LRRN1: variants seen among roughly 807,000 people sequenced by gnomAD.
The protein encoded by LRRN1 is leucine-rich repeat neuronal protein 1.
LRRN1 carries 14 observed loss-of-function variants against 45.8 expected under a neutral mutation model. The ratio of observed to expected loss-of-function variants is 0.31; its 90% CI spans 0.20 to 0.48. The LOEUF (loss-of-function observed/expected upper bound fraction) is 0.48, where lower values mean the gene tolerates loss of function less well. LRRN1 is among the 20% of genes least tolerant of loss of function. The pLI is 0.99. For synonymous variants in LRRN1, 359 were observed against 330.1 expected (o/e 1.09, Z -0.95); for missense variants, 789 against 874.2 (o/e 0.90, Z 1.23).
At chr3:3,807,540 C>T (rs191643924) in intron 1 of LRRN1, among the ~76,000 whole-genome samples, 3 of 152,182 alleles carry the variant, frequency 2.0e-5, no homozygotes, top group Non-Finnish European at 2.9e-5. Context: ...CACGTCAGAA[C>T]GAGTTTTGGA....
chr3:3,813,882 C>A (rs577065219), intron 1 of LRRN1, among the ~76,000 whole-genome samples: 151 of 152,168 alleles, frequency 9.9e-4, no homozygotes, highest in African/African-American at 3.6e-3. Context: ...CTCTTCTAAT[C>A]ATTCAAATGG....
rs528670873 is a variant in LRRN1 at position 3,825,039 on chromosome 3, C to T, written c.-278-19325C>T. ...ATCAGACTCTGAGGTCGACGTTATT[C>T]CCTAGGGCTCTTTCATAGACACCCT... On this transcript the variant is annotated intron_variant, in intron 1 of 1. Transcript: ENST00000319331. Among the ~76,000 whole-genome samples the T allele has an allele frequency of 3.9e-5, 6 of 152,326 alleles. No individual in the cohort carries two copies. In the South Asian group the frequency reaches 1.0e-3, roughly 26 times the overall value.
At chr3:3,820,680 G>A (rs990570510) in intron 1 of LRRN1, among the ~76,000 whole-genome samples, 2 of 152,180 alleles carry the variant, frequency 1.3e-5, no homozygotes, top group Non-Finnish European at 2.9e-5. Flanking sequence ...CTTTGTTCTC[G>A]CAGGTATAGC....
At chr3:3,817,413 A>G (rs1302698858) in intron 1 of LRRN1, among the ~76,000 whole-genome samples, 3 of 152,242 alleles carry the variant, frequency 2.0e-5, no homozygotes, top group African/African-American at 7.2e-5. Context: ...AGTTCTATCA[A>G]GTCAAAGGAC....
At chr3:3,818,970 T>C (rs1193459532) in intron 1 of LRRN1, among the ~76,000 whole-genome samples, 1 of 151,814 alleles carries the variant, frequency 6.6e-6, no homozygotes, top group Non-Finnish European at 1.5e-5. Context: ...AGATGGCAGT[T>C]AATACACATA....
chr3:3,828,862 T>C (rs896094440), intron 1 of LRRN1, among the ~76,000 whole-genome samples: 1 of 152,232 alleles, frequency 6.6e-6, no homozygotes, highest in Non-Finnish European at 1.5e-5. Context: ...ACAGTCCTTG[T>C]TTCTGCACTT....
At chr3:3,824,973 C>T (rs1245844799) in intron 1 of LRRN1, among the ~76,000 whole-genome samples, 1 of 152,122 alleles carries the variant, frequency 6.6e-6, no homozygotes, top group African/African-American at 2.4e-5. Flanking sequence ...GTATATTTCA[C>T]AGGGAGGCTA....
downstream of LRRN1, among the ~76,000 whole-genome samples, chr3:3,849,834 A>ATG: frequency 6.6e-6 from 1 of 152,208 alleles, no homozygotes; most frequent in East Asian, 1.9e-4. Flanking sequence ...ATTTTCTCTC[A>ATG]TGTGGTTTCT....
chr3:3,845,419 C>G lies in LRRN1; in HGVS notation c.778C>G (p.Gln260Glu). Residue 260 changes from glutamine to glutamate, a missense_variant, in exon 2 of 2, where the codon CAA (glutamine) becomes GAA (glutamate). Gln to Glu is a conservative substitution (Grantham distance 29). Coordinates refer to ENST00000319331, the MANE Select transcript of LRRN1 (RefSeq NM_020873.7). This position sits in a 1 kb window ranked among gnomAD's most constrained non-coding sequence, Gnocchi z 6.5. Reference protein sequence around the residue: ...KLVKVPQLALQKVPNLKFLDL... With the variant: ...KLVKVPQLALEKVPNLKFLDL... The stretch of plus-strand genomic sequence containing the variant: ...GGTTAAAGTCCCTCAACTTGCCCTG[C>G]AAAAAGTTCCAAATTTGAAATTCTT... The G allele has an allele frequency of 6.2e-7, 1 of 1,614,062 alleles. No individual in the cohort carries two copies. The highest frequency in any genetic ancestry group is 8.5e-7 in the Non-Finnish European group (1 of 1,180,002).
chr3:3,845,361 C>G lies in LRRN1; in HGVS notation c.720C>G (p.Ser240Arg). The change falls in exon 2 of 2, where the codon AGC becomes AGG. Residue 240 changes from serine (S) to arginine (R), a missense_variant. By Grantham distance (110) the Ser-to-Arg change is moderately radical (BLOSUM62 -1). Coordinates refer to ENST00000319331, the MANE Select transcript of LRRN1 (RefSeq NM_020873.7). The surrounding 1 kb of genome is among the most constrained non-coding windows in gnomAD (Gnocchi z 6.5). ...GAAATGCTTTGGTGGGTCTGGATAG[C>G]CTTGAGAGCCTGTCTTTTTATGATA... is the stretch of plus-strand genomic sequence containing the variant. ...IPGNALVGLD[S>R]LESLSFYDNK... 1 of 1,614,074 alleles carries G rather than the reference C, an allele frequency of 6.2e-7. No homozygotes were observed. The highest frequency in any genetic ancestry group is 8.5e-7 in the Non-Finnish European group (1 of 1,180,004).
intron 1 of LRRN1, among the ~76,000 whole-genome samples, chr3:3,841,164 G>A (rs1288101696): frequency 6.6e-6 from 1 of 151,912 alleles, no homozygotes; most frequent in African/African-American, 2.4e-5. Flanking sequence ...GGTGGCACGT[G>A]CCTGTAGTCC....
intron 1 of LRRN1, among the ~76,000 whole-genome samples, chr3:3,828,783 ATTTTC>A (rs1165806830): frequency 9.2e-5 from 14 of 152,200 alleles, no homozygotes; most frequent in Non-Finnish European, 7.4e-5. Context: ...AAATGAAGAT[ATTTTC>A]TTAGTACAGG....
At chr3:3,823,813 C>A in intron 1 of LRRN1, among the ~76,000 whole-genome samples, 1 of 152,074 alleles carries the variant, frequency 6.6e-6, no homozygotes, top group Non-Finnish European at 1.5e-5. Context: ...TCTTAAAAAT[C>A]TGGGAGCAAG....
intron 1 of LRRN1, among the ~76,000 whole-genome samples, chr3:3,810,913 G>A (rs148033254): frequency 6.6e-6 from 1 of 152,130 alleles, no homozygotes; most frequent in Non-Finnish European, 1.5e-5. Context: ...TGAATTCTTT[G>A]TGAAATGGAA....
At position 3,821,696 on chromosome 3, in the gene LRRN1, A is replaced by G. The variant is rs150882275; in HGVS notation, c.-279+21777A>G. ...ATGGATCACAGAACAGGTTTGTCTC[A>G]ATCACAAACAGTAGGATGGATTTTT... On this transcript the variant is annotated intron_variant, in intron 1 of 1. Coordinates refer to ENST00000319331, the MANE Select transcript of LRRN1 (RefSeq NM_020873.7). 8.7e-3 allele frequency among the ~76,000 whole-genome samples: 1,320 copies of G among 152,330 alleles called. 20 individuals are homozygous for G. The highest frequency in any genetic ancestry group is 0.03 in the African/African-American group (1,250 of 41,576).
At chr3:3,835,029 A>G (rs998131048) in intron 1 of LRRN1, among the ~76,000 whole-genome samples, 1 of 152,174 alleles carries the variant, frequency 6.6e-6, no homozygotes, top group Non-Finnish European at 1.5e-5. Context: ...ATATTTTTAC[A>G]TAAGTACTTT....
At chr3:3,803,613 T>A (rs12633321) in intron 1 of LRRN1, among the ~76,000 whole-genome samples, 1 of 152,104 alleles carries the variant, frequency 6.6e-6, no homozygotes, top group South Asian at 2.1e-4. Flanking sequence ...CATATGTTTC[T>A]GGGAACAATG....
chr3:3,830,356 T>C (rs1693339254), intron 1 of LRRN1, among the ~76,000 whole-genome samples: 2 of 152,216 alleles, frequency 1.3e-5, no homozygotes, highest in Admixed American at 6.5e-5. Flanking sequence ...CTACAGCCCA[T>C]GAATCGGTAT....
At chr3:3,824,934 C>T (rs1019494687) in intron 1 of LRRN1, among the ~76,000 whole-genome samples, 3 of 152,070 alleles carry the variant, frequency 2.0e-5, no homozygotes, top group Admixed American at 6.5e-5. Context: ...TCTGTAAGGC[C>T]GTCTCTACCT....
Sources: gnomAD v4.1 joint callset for allele counts (sites outside exome capture counted in the v4.1 genomes callset) on GRCh38, gnomAD v4.1.1 for gene constraint, Gnocchi (gnomAD v3.1) non-coding constraint, MANE v1.5 for transcripts, NCBI Gene and HGNC (gene_info 2026-07-23, HGNC 2026-07-21) for gene names.